SFSWAP: variants seen among roughly 807,000 people sequenced by gnomAD.
SFSWAP encodes the protein splicing factor, suppressor of white-apricot homolog.
SFSWAP carries 17 observed loss-of-function variants against 100.7 expected under a neutral mutation model. The observed-to-expected ratio is 0.17, with a 90% CI of 0.12 to 0.25. The LOEUF (loss-of-function observed/expected upper bound fraction) is 0.25, where lower values mean the gene tolerates loss of function less well. Ranked by LOEUF, SFSWAP falls within the 10% of genes least tolerant of loss-of-function variation. SFSWAP has a pLI of 1.00. For missense variants in SFSWAP, 1,005 were observed against 1,262.6 expected (o/e 0.80, Z 3.09); for synonymous variants, 504 against 510.1 (o/e 0.99, Z 0.16).
At chr12:131,722,597 G>A (rs1878582926) in intron 4 of SFSWAP, among the ~76,000 whole-genome samples, 1 of 152,164 alleles carries the variant, frequency 6.6e-6, no homozygotes, top group African/African-American at 2.4e-5. Flanking sequence ...AGCACTTACT[G>A]TGTACCAGAC....
At chr12:131,770,915 G>A (rs769523417) in intron 13 of SFSWAP, among the ~76,000 whole-genome samples, 3 of 152,150 alleles carry the variant, frequency 2.0e-5, no homozygotes, top group Admixed American at 6.5e-5. Context: ...CCTGGGGACC[G>A]CATGTGTGTG....
At position 131,782,359 on chromosome 12, in the gene SFSWAP, A is replaced by C. The variant is rs543632664; in HGVS notation, c.2408+4029A>C. ...CTTTAAAATGCAAGTTAGAAATGGG[A>C]GGGGTGGTGATCTCCTCAGTAATAT... On this transcript the variant is annotated intron_variant, in intron 14 of 17. Transcript: ENST00000261674. 1.7e-4 allele frequency among the ~76,000 whole-genome samples: 26 copies of C among 152,282 alleles called. No individual in the cohort carries two copies. The East Asian group carries it at 5.0e-3, about 29-fold the overall frequency.
intron 11 of SFSWAP, among the ~76,000 whole-genome samples, chr12:131,761,195 C>G (rs1038117406): frequency 6.6e-5 from 10 of 152,268 alleles, no homozygotes; most frequent in Admixed American, 6.5e-4. Flanking sequence ...ATTGGAATTG[C>G]AATTGATCTA....
At chr12:131,749,488 G>A (rs1158524357) in intron 7 of SFSWAP, among the ~76,000 whole-genome samples, 2 of 152,208 alleles carry the variant, frequency 1.3e-5, no homozygotes, top group Non-Finnish European at 2.9e-5. Context: ...AAAATTTAGT[G>A]TTCACGAGAA....
In SFSWAP at chr12:131,797,282, C is replaced by T. The variant is rs370804971; in HGVS notation, c.2639C>T (p.Ala880Val). The T allele has an allele frequency of 6.8e-6, 11 of 1,611,178 alleles. No individual in the cohort carries two copies. Among genetic ancestry groups the T allele is most frequent in the Admixed American group, 1.7e-5 (1 of 59,914 alleles). ...AGCAAGCAGGCAGCGCCCCGGCCCG[C>T]GGCCCCCGCGGCCCACTCGGCGCAC... is the stretch of plus-strand genomic sequence containing the variant. ...SPSKQAAPRP[A>V]APAAHSAHSA... The change falls in exon 16 of 18, where the codon GCG becomes GTG. Residue 880 changes from alanine to valine, a missense_variant. By Grantham distance (64) the Ala-to-Val change is moderately conservative. This residue lies in a region of SFSWAP where 295 missense variants were observed against 347.9 expected (regional missense o/e 0.85). Transcript: ENST00000261674.
chr12:131,791,118 C>T (rs923249241), intron 15 of SFSWAP, among the ~76,000 whole-genome samples: 5 of 152,168 alleles, frequency 3.3e-5, no homozygotes, highest in South Asian at 2.1e-4. Context: ...CCTGGCCTGG[C>T]GCGGTGGCTC....
chr12:131,733,049 A>G lies in SFSWAP; in HGVS notation c.1081+4621A>G, dbSNP rs1160746069. Among the ~76,000 whole-genome samples the G allele has an allele frequency of 6.6e-6, 1 of 152,222 alleles. No homozygotes were observed. The highest frequency in any genetic ancestry group is 6.5e-5 in the Admixed American group (1 of 15,290). On this transcript the variant is annotated intron_variant, in intron 7 of 17. Coordinates refer to ENST00000261674, the MANE Select transcript of SFSWAP (RefSeq NM_004592.4). This position sits in a 1 kb window ranked among gnomAD's most constrained non-coding sequence, Gnocchi z 5.1. ...TGAGGGAGGAGGCGTGATTTAAAGC[A>G]TGAAGAGAATCATGCCCCACAATGA...
chr12:131,793,115 CTCACT>C lies in SFSWAP; in HGVS notation c.2535-4062_2535-4058del, dbSNP rs1885394515. Among the ~76,000 whole-genome samples the C allele has an allele frequency of 2.0e-5, 3 of 151,688 alleles. No homozygotes were observed. The South Asian group carries it at 6.2e-4, about 32-fold the overall frequency. On this transcript the variant is annotated intron_variant, in intron 15 of 17. Transcript: ENST00000261674. ...GTCTTTTTTTTTTTTGAGACAGGGT[CTCACT>C]CTGTTGCCCAAGCTGGAGTGCAGCA...
At chr12:131,754,246 A>G in intron 8 of SFSWAP, 122 bp from the exon 9 acceptor site, 1 of 611,240 alleles carries the variant, frequency 1.6e-6, no homozygotes, top group South Asian at 4.3e-5. Context: ...GCCTCCCCTA[A>G]CACACTGTTT....
chr12:131,718,590 G>C (rs1441247398), intron 3 of SFSWAP, among the ~76,000 whole-genome samples: 1 of 152,192 alleles, frequency 6.6e-6, no homozygotes, highest in African/African-American at 2.4e-5. Flanking sequence ...TTGATTATTT[G>C]TGAAAGAGGT....
rs183636845 is a variant in SFSWAP, at chr12:131,784,718, A to C, written c.2409-1745A>C. On this transcript the variant is annotated intron_variant, in intron 14 of 17. Transcript: ENST00000261674. ...CTAATTAACAGAATAAAAAGCATTA[A>C]AGCTTCTTTAGCTAAAGTCAAACTT... is the stretch of plus-strand genomic sequence containing the variant. 2.9e-3 allele frequency: 486 copies of C among 169,262 alleles called. 4 individuals carry two copies. The highest frequency in any genetic ancestry group is 5.1e-3 in the Non-Finnish European group (406 of 79,710). 10.5% of individuals were successfully genotyped at this position (169,262 alleles called of 1,614,324 possible).
chr12:131,799,515 G>C lies in SFSWAP; in HGVS notation c.*27G>C. On this transcript the variant is annotated 3_prime_UTR_variant, in exon 18 of 18. Coordinates refer to ENST00000261674, the MANE Select transcript of SFSWAP (RefSeq NM_004592.4). ...ACGGGGCCAGCGGAGGCAGAGCCGGGAGGCTGCGTGGGCTTCTGGGCAGGC... is the reference window on the plus strand; with the variant it reads ...ACGGGGCCAGCGGAGGCAGAGCCGGCAGGCTGCGTGGGCTTCTGGGCAGGC... 6.2e-7 allele frequency: 1 copy of C among 1,608,732 alleles called. No individual in the cohort carries two copies. Among genetic ancestry groups the C allele is most frequent in the Non-Finnish European group, 8.5e-7 (1 of 1,176,360 alleles).
At position 131,756,646 on chromosome 12, in the gene SFSWAP, T is replaced by C; in HGVS notation, c.1720+2T>C. The C allele has an allele frequency of 6.3e-7, 1 of 1,580,150 alleles. No homozygotes were observed. Among genetic ancestry groups the C allele is most frequent in the South Asian group, 1.2e-5 (1 of 86,026 alleles). The stretch of plus-strand genomic sequence containing the variant: ...TCCCGGACGGGAAGCTGGTGAAAGG[T>C]ATGCTGCCACTTGCATGTTGGCCTT... On this transcript the variant is annotated splice_donor_variant, in intron 11 of 17. Coordinates refer to ENST00000261674, the MANE Select transcript of SFSWAP (RefSeq NM_004592.4). LOFTEE classifies it high-confidence loss of function.
Position 131,728,294 on chromosome 12 carries a change from C to T in SFSWAP, c.947C>T (p.Pro316Leu), listed in dbSNP as rs1566009992. 6.2e-7 allele frequency: 1 copy of T among 1,614,166 alleles called. No homozygotes were observed. Among genetic ancestry groups the T allele is most frequent in the Non-Finnish European group, 8.5e-7 (1 of 1,180,000 alleles). ...KCNRLEELMKPLKVVDPDHPL... is the reference protein window; with the variant it reads ...KCNRLEELMKLLKVVDPDHPL... ...AGGCTGTGTCTTCTCTGTTTCCAGC[C>T]CTTGAAGGTAGTGGACCCAGATCAT... The change falls in exon 7 of 18, where the codon CCC becomes CTC. Residue 316 changes from proline to leucine, a missense_variant and splice_region_variant. Transcript: ENST00000261674.
At chr12:131,780,876 G>C (rs988552519) in intron 14 of SFSWAP, among the ~76,000 whole-genome samples, 2 of 152,120 alleles carry the variant, frequency 1.3e-5, no homozygotes, top group African/African-American at 4.8e-5. Context: ...AGCTGTTCAT[G>C]GTGTTTCTTT....
chr12:131,752,481 C>A (rs1881749320), intron 7 of SFSWAP, among the ~76,000 whole-genome samples: 1 of 152,234 alleles, frequency 6.6e-6, no homozygotes, highest in Non-Finnish European at 1.5e-5. Context: ...GGCAAGACGG[C>A]ATACATCACT....
intron 15 of SFSWAP, among the ~76,000 whole-genome samples, chr12:131,795,054 A>G (rs1032714643): frequency 9.9e-5 from 15 of 152,220 alleles, no homozygotes; most frequent in African/African-American, 3.6e-4. Context: ...TACAGACAAC[A>G]ATTTCACAAA....
intron 7 of SFSWAP, among the ~76,000 whole-genome samples, chr12:131,741,331 A>G (rs1325055379): frequency 6.6e-6 from 1 of 151,776 alleles, no homozygotes; most frequent in Non-Finnish European, 1.5e-5. Context: ...TATTTTTTCA[A>G]CCATTTAAAA....
chr12:131,761,719 C>T (rs188214106), intron 11 of SFSWAP, among the ~76,000 whole-genome samples: 24 of 152,320 alleles, frequency 1.6e-4, no homozygotes, highest in African/African-American at 5.3e-4. Flanking sequence ...TAGGCAGAAG[C>T]AACAATTTTG....
Sources: allele counts gnomAD v4.1 joint callset (sites outside exome capture counted in the v4.1 genomes callset), GRCh38; gene constraint gnomAD v4.1.1; regional missense constraint gnomAD v4.1.1; non-coding constraint Gnocchi (gnomAD v3.1); transcripts MANE v1.5; gene names NCBI Gene and HGNC (gene_info 2026-07-23, HGNC 2026-07-21).